Variants in MECOM observed in about 807,000 individuals in gnomAD.
MECOM encodes the protein histone-lysine N-methyltransferase MECOM.
Under a neutral mutation model 116.3 loss-of-function variants are expected in MECOM, and 13 were observed. That is an observed-to-expected ratio of 0.11 (90% confidence interval 0.07 to 0.18). The LOEUF is 0.18. Among genes scored for constraint, MECOM ranks in the 10% least tolerant of loss-of-function variants. The probability of loss-of-function intolerance (pLI) is 1.00; values close to 1 mark genes in which losing one functional copy is unlikely to be tolerated. For missense variants in MECOM, 1,299 were observed against 1,509.0 expected, an observed-to-expected ratio of 0.86 and a Z score of 2.31; for synonymous variants, 528 against 535.2, an observed-to-expected ratio of 0.99 and a Z score of 0.19.
chr3:169,268,554 G>A (rs1758572618), intron 2 of MECOM, among the ~76,000 whole-genome samples: 1 of 152,174 alleles, frequency 6.6e-6, no homozygotes, highest in African/African-American at 2.4e-5. Flanking sequence ...TTCACAAAAG[G>A]AAAATTTTAC....
intron 1 of MECOM, among the ~76,000 whole-genome samples, chr3:169,423,028 C>T (rs1037097724): frequency 6.6e-6 from 1 of 151,960 alleles, no homozygotes; most frequent in African/African-American, 2.4e-5. Context: ...ACTAGTGCTT[C>T]CCAAACCGTA....
intron 1 of MECOM, among the ~76,000 whole-genome samples, chr3:169,588,920 A>G (rs1169498715): frequency 2.6e-5 from 4 of 152,164 alleles, no homozygotes. Flanking sequence ...TCCTACGGAA[A>G]AGTAAATTTG....
At chr3:169,425,270 A>G (rs1740463669) in intron 1 of MECOM, among the ~76,000 whole-genome samples, 1 of 152,138 alleles carries the variant, frequency 6.6e-6, no homozygotes, top group South Asian at 2.1e-4. Flanking sequence ...CAATTAAGAG[A>G]GAAGAAATGT....
At chr3:169,129,779 T>C (rs78135184) in intron 4 of MECOM, among the ~76,000 whole-genome samples, 1 of 152,164 alleles carries the variant, frequency 6.6e-6, no homozygotes, top group Non-Finnish European at 1.5e-5. Flanking sequence ...GGTTGAATGC[T>C]GACCTCACCA....
At chr3:169,280,872 C>T (rs368702341) in intron 2 of MECOM, among the ~76,000 whole-genome samples, 25 of 152,128 alleles carry the variant, frequency 1.6e-4, no homozygotes, top group Middle Eastern at 3.4e-3. Context: ...ACAGATGGCT[C>T]GAATGGAAGC....
At chr3:169,563,633 C>T (rs1335796845) in intron 1 of MECOM, among the ~76,000 whole-genome samples, 1 of 152,148 alleles carries the variant, frequency 6.6e-6, no homozygotes, top group Non-Finnish European at 1.5e-5. Context: ...TGGAATTCAA[C>T]TTGCAAGTCA....
intron 2 of MECOM, among the ~76,000 whole-genome samples, chr3:169,215,420 G>C (rs1327083109): frequency 6.6e-6 from 1 of 151,930 alleles, no homozygotes; most frequent in Admixed American, 6.6e-5. Context: ...AAACATTCTG[G>C]TAATAAATTG....
chr3:169,339,860 T>G (rs945580317), intron 2 of MECOM, among the ~76,000 whole-genome samples: 1 of 152,166 alleles, frequency 6.6e-6, no homozygotes, highest in Non-Finnish European at 1.5e-5. Context: ...TCTAATTAAA[T>G]TTTATATTGT....
chr3:169,114,430 C>G (rs1728466488), intron 8 of MECOM, among the ~76,000 whole-genome samples: 1 of 151,998 alleles, frequency 6.6e-6, no homozygotes, highest in Non-Finnish European at 1.5e-5. Flanking sequence ...ACTTGCAGCT[C>G]TAGTACCTAT....
intron 2 of MECOM, among the ~76,000 whole-genome samples, chr3:169,367,483 A>G (rs943558610): frequency 3.9e-5 from 6 of 151,924 alleles, no homozygotes; most frequent in African/African-American, 1.4e-4. Context: ...CAAATACAGT[A>G]CTGGTCGATT....
chr3:169,596,631 A>G (rs1351283779), intron 1 of MECOM, among the ~76,000 whole-genome samples: 1 of 152,200 alleles, frequency 6.6e-6, no homozygotes, highest in African/African-American at 2.4e-5. Context: ...AAATGCAAGC[A>G]GTTTACCGCT....
At chr3:169,158,696 A>T (rs1742368436) in intron 2 of MECOM, among the ~76,000 whole-genome samples, 3 of 152,168 alleles carry the variant, frequency 2.0e-5, no homozygotes, top group African/African-American at 7.2e-5. Context: ...CAGAGGAAAA[A>T]TTTGATTATA....
At chr3:169,603,612 C>T (rs1031403359) in intron 1 of MECOM, among the ~76,000 whole-genome samples, 1 of 152,140 alleles carries the variant, frequency 6.6e-6, no homozygotes, top group Non-Finnish European at 1.5e-5. Flanking sequence ...TACAGGTGTA[C>T]CATTTTTTCT....
chr3:169,481,710 G>A (rs1486797793), intron 1 of MECOM, among the ~76,000 whole-genome samples: 2 of 151,880 alleles, frequency 1.3e-5, no homozygotes, highest in Admixed American at 1.3e-4. Flanking sequence ...TCACTAGCTT[G>A]TTGGACATTT....
In MECOM at chr3:169,147,310, G is replaced by C. The variant is rs1475444464; in HGVS notation, c.376-3478C>G. 5 of 985,464 alleles carry C rather than the reference G, an allele frequency of 5.1e-6. No individual in the cohort carries two copies. The African/African-American group carries it at 8.7e-5, about 17-fold the overall frequency. 61.0% of individuals were successfully genotyped at this position (985,464 alleles called of 1,614,324 possible). On this transcript the variant is annotated intron_variant, in intron 2 of 16. Coordinates refer to ENST00000651503, the MANE Select transcript of MECOM (RefSeq NM_004991.4). ...TTCAGATCCTCCGCAGCGCCTTCGC[G>C]GGTCCTGGACCCTCACGGGATCGTC... is the stretch of plus-strand genomic sequence containing the variant.
At chr3:169,236,188 G>A (rs76710696) in intron 2 of MECOM, among the ~76,000 whole-genome samples, 2,516 of 152,242 alleles carry the variant, frequency 0.017, 37 homozygotes, top group Non-Finnish European at 0.02. Context: ...TATTCAGTAG[G>A]TTTGGTGCAG....
chr3:169,425,134 T>C (rs532191288), intron 1 of MECOM, among the ~76,000 whole-genome samples: 1 of 144,540 alleles, frequency 6.9e-6, no homozygotes, highest in South Asian at 2.3e-4. Context: ...AGATAACCAG[T>C]TGGAATCAAC....
intron 2 of MECOM, among the ~76,000 whole-genome samples, chr3:169,311,447 G>A (rs1223328610): frequency 6.6e-6 from 1 of 152,074 alleles, no homozygotes; most frequent in Non-Finnish European, 1.5e-5. Context: ...ACCTATCTAA[G>A]CAAAATCAAA....
Position 169,514,733 on chromosome 3 carries a change from C to T in MECOM, c.38-133209G>A, listed in dbSNP as rs113250385. On this transcript the variant is annotated intron_variant, in intron 1 of 16. Coordinates refer to ENST00000651503, the MANE Select transcript of MECOM (RefSeq NM_004991.4). The stretch of plus-strand genomic sequence containing the variant: ...AAATACCAGCCACATAGCAGATGCC[C>T]GATGAATGTTCACGGAATGAGTAAA... 3.7e-3 allele frequency among the ~76,000 whole-genome samples: 560 copies of T among 152,230 alleles called. 4 individuals carry two copies. Among genetic ancestry groups the T allele is most frequent in the African/African-American group, 0.013 (540 of 41,544 alleles).
Sources: allele counts gnomAD v4.1 joint callset (sites outside exome capture counted in the v4.1 genomes callset), GRCh38; gene constraint gnomAD v4.1.1; transcripts MANE v1.5; gene names NCBI Gene and HGNC (gene_info 2026-07-23, HGNC 2026-07-21).